RPL19: variants seen among roughly 807,000 people sequenced by gnomAD.
RPL19 encodes large ribosomal subunit protein eL19.
Under a neutral mutation model 25.1 loss-of-function variants are expected in RPL19, and 2 were observed. The observed-to-expected ratio is 0.08, with a 90% CI of 0.03 to 0.25. The LOEUF (loss-of-function observed/expected upper bound fraction) is 0.25. RPL19 is among the 10% of genes least tolerant of loss of function. The probability of loss-of-function intolerance (pLI) is 1.00; values close to 1 mark genes in which losing one functional copy is unlikely to be tolerated. For synonymous variants in RPL19, 89 were observed against 91.2 expected, an observed-to-expected ratio of 0.98 and a Z score of 0.14; for missense variants, 123 against 271.8, an observed-to-expected ratio of 0.45 and a Z score of 3.85.
chr17:39,201,438 C>G, intron 2 of RPL19, 119 bp downstream of exon 2: 1 of 653,376 alleles, frequency 1.5e-6, no homozygotes, highest in Non-Finnish European at 2.7e-6. Flanking sequence ...CTCTGTTGTC[C>G]AGGCTGGAGT....
Position 39,204,722 on chromosome 17 carries a change from A to G in RPL19, c.*74A>G. 1.1e-5 allele frequency: 16 copies of G among 1,462,946 alleles called. No homozygotes were observed. Among genetic ancestry groups the G allele is most frequent in the South Asian group, 1.2e-5 (1 of 81,688 alleles). The allele number at this position is 1,462,946 out of a possible 1,614,324, so 90.6% of individuals were successfully genotyped here. On this transcript the variant is annotated 3_prime_UTR_variant, in exon 6 of 6. Coordinates refer to ENST00000225430, the MANE Select transcript of RPL19 (RefSeq NM_000981.4). Reference sequence around the variant, plus strand: ...AGCCATTAAAATAAAACAAGCCTTAATCTGCCTTCCTCTCTGCTTCTTGCA... The same window carrying G: ...AGCCATTAAAATAAAACAAGCCTTAGTCTGCCTTCCTCTCTGCTTCTTGCA...
At chr17:39,203,772 G>C (rs541604699) in intron 4 of RPL19, among the ~76,000 whole-genome samples, 2 of 152,208 alleles carry the variant, frequency 1.3e-5, no homozygotes, top group Non-Finnish European at 2.9e-5. Flanking sequence ...CTCTCAAAGT[G>C]CTCAGATTAC....
chr17:39,203,461 A>G (rs1343996452), intron 4 of RPL19, among the ~76,000 whole-genome samples: 2 of 146,522 alleles, frequency 1.4e-5, no homozygotes, highest in Admixed American at 6.8e-5. Flanking sequence ...GGTTATAGGC[A>G]TGAGCCACCA....
chr17:39,200,358 G>T lies in RPL19; in HGVS notation c.5+9G>T, dbSNP rs760532243. 1.3e-6 allele frequency: 2 copies of T among 1,567,948 alleles called. No homozygotes were observed. The highest frequency in any genetic ancestry group is 1.7e-6 in the Non-Finnish European group (2 of 1,159,166). On this transcript the variant is annotated intron_variant, in intron 1 of 5. Coordinates refer to ENST00000225430, the MANE Select transcript of RPL19 (RefSeq NM_000981.4). ...GCGGCCGCAGCCATGAGGTGAGGGC[G>T]AGCTGGTCTCCATCAGGCGCTGACG... is the stretch of plus-strand genomic sequence containing the variant.
chr17:39,200,580 C>G (rs987558817), intron 1 of RPL19: 5 of 1,272,292 alleles, frequency 3.9e-6, no homozygotes, highest in Admixed American at 3.9e-5. Flanking sequence ...GGTGCCGCAC[C>G]GCACACGTGT....
At position 39,201,399 on chromosome 17, in the gene RPL19, A is replaced by G. The variant is rs878944107; in HGVS notation, c.112+80A>G. 7 of 781,260 alleles carry G rather than the reference A, an allele frequency of 9.0e-6. No homozygotes were observed. The East Asian group carries it at 1.7e-4, about 19-fold the overall frequency. The allele number at this position is 781,260 out of a possible 1,614,324, so 48.4% of individuals were successfully genotyped here. ...GATTAATGATAACACAATTGTGTTG[A>G]CTTTTTTTTTTTTTTTTAGACAGTC... On this transcript the variant is annotated intron_variant, in intron 2 of 5. Coordinates refer to ENST00000225430, the MANE Select transcript of RPL19 (RefSeq NM_000981.4).
At chr17:39,202,919 A>G (rs948147445) in intron 3 of RPL19, 70 bp from the exon 4 acceptor site, 9 of 1,560,636 alleles carry the variant, frequency 5.8e-6, no homozygotes, top group African/African-American at 4.1e-5. Context: ...ACTTGAAACT[A>G]TATTCACTTG....
At position 39,204,661 on chromosome 17, in the gene RPL19, T is replaced by C. The variant is rs530686988; in HGVS notation, c.*13T>C. The C allele has an allele frequency of 1.4e-5, 23 of 1,613,152 alleles. No homozygotes were observed. The African/African-American group carries it at 2.8e-4, about 20-fold the overall frequency. On this transcript the variant is annotated 3_prime_UTR_variant, in exon 6 of 6. Transcript: ENST00000225430. ...GACCAAGAAATAAAACCTCCCACTT[T>C]GTCTGTACATACTGGCCTCTGTGAT... is the stretch of plus-strand genomic sequence containing the variant.
chr17:39,202,299 T>G lies in RPL19; in HGVS notation c.113-18T>G. ...CTTGGGCCCCAGTTGACTGACCAGGTGCATTATGCTTTCCCAGGTCAGCAG... is the reference window on the plus strand; with the variant it reads ...CTTGGGCCCCAGTTGACTGACCAGGGGCATTATGCTTTCCCAGGTCAGCAG... On this transcript the variant is annotated intron_variant, in intron 2 of 5. Transcript: ENST00000225430. 1 of 1,612,748 alleles carries G rather than the reference T, an allele frequency of 6.2e-7. No individual in the cohort carries two copies. The highest frequency in any genetic ancestry group is 8.5e-7 in the Non-Finnish European group (1 of 1,179,802).
intron 2 of RPL19, among the ~76,000 whole-genome samples, chr17:39,201,783 G>T (rs561799923): frequency 3.6e-4 from 54 of 151,970 alleles, no homozygotes; most frequent in Non-Finnish European, 6.5e-4. Flanking sequence ...TGTTGGTCAG[G>T]CTGGTCTCAA....
chr17:39,202,620 T>C (rs2046298946), intron 3 of RPL19, 181 bp downstream of exon 3: 1 of 716,444 alleles, frequency 1.4e-6, no homozygotes, highest in African/African-American at 1.8e-5. Context: ...AGAGTATCCC[T>C]GGTAGGAGGT....
At chr17:39,200,497 G>A in intron 1 of RPL19, 148 bp downstream of exon 1, 1 of 1,296,318 alleles carries the variant, frequency 7.7e-7, no homozygotes, top group Non-Finnish European at 9.8e-7. Context: ...GAGCACTTTC[G>A]TCCCGGGCCT....
At chr17:39,202,771 G>A (rs1270362048) in intron 3 of RPL19, 3 of 613,754 alleles carry the variant, frequency 4.9e-6, no homozygotes, top group African/African-American at 1.8e-5. Context: ...TGAAGTGAAT[G>A]GGGAATTATT....
chr17:39,200,292 G>A lies in RPL19; in HGVS notation c.-53G>A, dbSNP rs1261646555. 2.0e-6 allele frequency: 3 copies of A among 1,498,798 alleles called. No homozygotes were observed. The highest frequency in any genetic ancestry group is 1.4e-5 in the African/African-American group (1 of 71,032). 92.8% of individuals were successfully genotyped at this position (1,498,798 alleles called of 1,614,324 possible). ...TTGGGCTCTCCCCTTCGCAGATAATGGGAGGAGCCGGGCCCGAGCGAGCTC... is the reference window on the plus strand; with the variant it reads ...TTGGGCTCTCCCCTTCGCAGATAATAGGAGGAGCCGGGCCCGAGCGAGCTC... On this transcript the variant is annotated 5_prime_UTR_variant, in exon 1 of 6. An upstream start codon of the reference 5' UTR is lost. Coordinates refer to ENST00000225430, the MANE Select transcript of RPL19 (RefSeq NM_000981.4).
In RPL19 at chr17:39,200,342, G is replaced by T. The variant is rs774998603; in HGVS notation, c.-3G>T. The T allele has an allele frequency of 9.6e-6, 15 of 1,565,254 alleles. No homozygotes were observed. Among genetic ancestry groups the T allele is most frequent in the East Asian group, 4.7e-5 (2 of 42,294 alleles). ...CTTTCCTTTCGCTGCTGCGGCCGCA[G>T]CCATGAGGTGAGGGCGAGCTGGTCT... On this transcript the variant is annotated 5_prime_UTR_variant, in exon 1 of 6. Transcript: ENST00000225430.
At position 39,200,423 on chromosome 17, in the gene RPL19, G is replaced by C. The variant is rs1382682420; in HGVS notation, c.5+74G>C. 7 of 1,419,052 alleles carry C rather than the reference G, an allele frequency of 4.9e-6. No individual in the cohort carries two copies. In the Admixed American group the frequency reaches 2.2e-4, roughly 45 times the overall value. 87.9% of individuals were successfully genotyped at this position (1,419,052 alleles called of 1,614,324 possible). ...ACTGTCGGTCTTGGGACCGCAGCTG[G>C]GGTTGGGGGAGATGAAATGGAGGCC... On this transcript the variant is annotated intron_variant, in intron 1 of 5. Coordinates refer to ENST00000225430, the MANE Select transcript of RPL19 (RefSeq NM_000981.4).
In RPL19 at chr17:39,203,029, G is replaced by A. The variant is rs558935087; in HGVS notation, c.276G>A (p.Lys92=). Residue 92 remains lysine, a synonymous_variant, in exon 4 of 6, where the codon AAG becomes AAA. Coordinates refer to ENST00000225430, the MANE Select transcript of RPL19 (RefSeq NM_000981.4). ...KGTANARMPE[K]VTWMRRMRIL... is the part of the protein sequence containing the mutation. Reference sequence around the variant, plus strand: ...CAGCCAATGCCCGAATGCCAGAGAAGGTCACATGGATGAGGAGAATGAGGA... The same window carrying A: ...CAGCCAATGCCCGAATGCCAGAGAAAGTCACATGGATGAGGAGAATGAGGA... 7 of 1,613,984 alleles carry A rather than the reference G, an allele frequency of 4.3e-6. No individual in the cohort carries two copies. The highest frequency in any genetic ancestry group is 3.3e-5 in the South Asian group (3 of 91,084).
intron 5 of RPL19, 99 bp downstream of exon 5, chr17:39,204,286 G>A (rs1277671342): frequency 1.5e-5 from 13 of 880,390 alleles, no homozygotes; most frequent in African/African-American, 6.6e-5. Flanking sequence ...TGACTTGCAC[G>A]TAGTCTGTCT....
chr17:39,201,856 G>C (rs1370422582), intron 2 of RPL19, among the ~76,000 whole-genome samples: 1 of 152,148 alleles, frequency 6.6e-6, no homozygotes, highest in Admixed American at 6.5e-5. Context: ...ATCGACGTGA[G>C]CCACCACACC....
Sources: gnomAD v4.1 joint callset for allele counts (sites outside exome capture counted in the v4.1 genomes callset) on GRCh38, gnomAD v4.1.1 for gene constraint, MANE v1.5 for transcripts, NCBI Gene and HGNC (gene_info 2026-07-23, HGNC 2026-07-21) for gene names.